Variants in SFMBT1 observed in about 807,000 individuals in gnomAD.
SFMBT1 encodes the protein scm-like with four MBT domains protein 1.
SFMBT1 carries 32 observed loss-of-function variants against 108.7 expected under a neutral mutation model. The observed-to-expected ratio is 0.29, with a 90% CI of 0.22 to 0.40. SFMBT1 has a LOEUF of 0.40. Ranked by LOEUF, SFMBT1 falls within the 10% of genes least tolerant of loss-of-function variation. SFMBT1 has a pLI of 1.00. For missense variants in SFMBT1, 816 were observed against 1,059.6 expected (o/e 0.77, Z 3.19); for synonymous variants, 348 against 369.5 (o/e 0.94, Z 0.67).
chr3:52,949,460 C>A (rs1227559044), intron 3 of SFMBT1, among the ~76,000 whole-genome samples: 1 of 151,924 alleles, frequency 6.6e-6, no homozygotes, highest in Non-Finnish European at 1.5e-5. Flanking sequence ...TGCAGTTCTA[C>A]CAGGTTTTGA....
chr3:52,925,146 G>A (rs1308924648), intron 10 of SFMBT1, among the ~76,000 whole-genome samples: 4 of 152,100 alleles, frequency 2.6e-5, no homozygotes, highest in East Asian at 3.9e-4. Flanking sequence ...TCTTGAACCC[G>A]GGAGGCGGAG....
intron 1 of SFMBT1, among the ~76,000 whole-genome samples, chr3:52,971,615 GAT>G (rs1382424842): frequency 6.6e-6 from 1 of 152,146 alleles, no homozygotes; most frequent in Non-Finnish European, 1.5e-5. Context: ...AATCAAGAGA[GAT>G]ATGGTTCCTG....
chr3:52,983,104 C>CT (rs1019527209), intron 1 of SFMBT1, among the ~76,000 whole-genome samples: 1 of 152,162 alleles, frequency 6.6e-6, no homozygotes, highest in African/African-American at 2.4e-5. Context: ...ACCTGCCCCT[C>CT]TTGCCTTCCT....
intron 1 of SFMBT1, among the ~76,000 whole-genome samples, chr3:52,994,729 A>G (rs1482630925): frequency 6.7e-6 from 1 of 149,970 alleles, no homozygotes; most frequent in Admixed American, 6.7e-5. Context: ...CAAACTCCCG[A>G]CCTCAGGTGA....
intron 1 of SFMBT1, among the ~76,000 whole-genome samples, chr3:53,009,638 C>T (rs1271632260): frequency 1.3e-5 from 2 of 152,084 alleles, no homozygotes; most frequent in Non-Finnish European, 1.5e-5. Flanking sequence ...ACAACACAGG[C>T]GTCAGGATTA....
At chr3:52,970,343 C>T (rs1448721518) in intron 1 of SFMBT1, among the ~76,000 whole-genome samples, 3 of 152,152 alleles carry the variant, frequency 2.0e-5, no homozygotes, top group African/African-American at 7.2e-5. Context: ...TTGCCTTTCC[C>T]AAACATTTCA....
chr3:52,909,354 T>C (rs1416261674), intron 17 of SFMBT1, among the ~76,000 whole-genome samples: 2 of 152,232 alleles, frequency 1.3e-5, no homozygotes, highest in African/African-American at 4.8e-5. Context: ...CTAAACTAAG[T>C]GCTGAGTCTG....
At chr3:53,040,327 T>C (rs1699997386) in intron 1 of SFMBT1, among the ~76,000 whole-genome samples, 1 of 152,208 alleles carries the variant, frequency 6.6e-6, no homozygotes, top group African/African-American at 2.4e-5. Context: ...CACTTTAAAT[T>C]GAATATCAGC....
At chr3:53,001,979 GAA>G (rs921906996) in intron 1 of SFMBT1, among the ~76,000 whole-genome samples, 2 of 128,166 alleles carry the variant, frequency 1.6e-5, no homozygotes, top group African/African-American at 5.8e-5. Context: ...ACACATAAAT[GAA>G]AGATTACTGC....
At chr3:52,988,340 G>C (rs557049166) in intron 1 of SFMBT1, among the ~76,000 whole-genome samples, 20 of 152,214 alleles carry the variant, frequency 1.3e-4, no homozygotes, top group Non-Finnish European at 2.2e-4. Context: ...TAGATTATCA[G>C]TTATAAATAT....
intron 4 of SFMBT1, among the ~76,000 whole-genome samples, chr3:52,936,640 G>A (rs1004385824): frequency 2.6e-5 from 4 of 152,134 alleles, no homozygotes; most frequent in South Asian, 2.1e-4. Context: ...CCTAGTGCAG[G>A]ACTCAGCTAC....
chr3:53,021,436 T>C (rs1362077691), intron 1 of SFMBT1, among the ~76,000 whole-genome samples: 1 of 152,222 alleles, frequency 6.6e-6, no homozygotes, highest in Non-Finnish European at 1.5e-5. Flanking sequence ...ACTTCTGTGT[T>C]ATGTTTAAAT....
intron 1 of SFMBT1, among the ~76,000 whole-genome samples, chr3:52,969,939 C>G (rs1704279418): frequency 6.6e-6 from 1 of 151,890 alleles, no homozygotes; most frequent in Admixed American, 6.6e-5. Context: ...CTCACCTGTA[C>G]TAAAAATACA....
chr3:52,993,906 T>C (rs1243764089), intron 1 of SFMBT1, among the ~76,000 whole-genome samples: 1 of 150,344 alleles, frequency 6.7e-6, no homozygotes, highest in Admixed American at 6.7e-5. Flanking sequence ...CCAATTATTA[T>C]ATACTCATTA....
At chr3:53,019,510 C>G (rs1699233762) in intron 1 of SFMBT1, among the ~76,000 whole-genome samples, 2 of 152,072 alleles carry the variant, frequency 1.3e-5, no homozygotes, top group African/African-American at 4.8e-5. Flanking sequence ...CTTTTTCCTT[C>G]TCAACCCAAC....
At chr3:53,042,206 T>C (rs1362825388) in intron 1 of SFMBT1, among the ~76,000 whole-genome samples, 2 of 152,246 alleles carry the variant, frequency 1.3e-5, no homozygotes, top group African/African-American at 4.8e-5. Flanking sequence ...TAGTTCATCT[T>C]TTCTACAGAC....
rs1698406121 is a variant in SFMBT1, at chr3:52,998,168, C to G, written c.-130-28910G>C. Reference sequence around the variant, plus strand: ...CGGTGGCTCACGCCTGTAATCCCAGCACTTTGGGAGGCCAAGACGGGCAGA... The same window carrying G: ...CGGTGGCTCACGCCTGTAATCCCAGGACTTTGGGAGGCCAAGACGGGCAGA... On this transcript the variant is annotated intron_variant, in intron 1 of 20. Transcript: ENST00000394752. 1.3e-5 allele frequency among the ~76,000 whole-genome samples: 2 copies of G among 150,182 alleles called. 1 individual carries two copies. The highest frequency in any genetic ancestry group is 4.2e-4 in the South Asian group (2 of 4,738).
At chr3:53,002,008 T>C (rs1698574773) in intron 1 of SFMBT1, among the ~76,000 whole-genome samples, 1 of 149,468 alleles carries the variant, frequency 6.7e-6, no homozygotes, top group East Asian at 2.0e-4. Context: ...TGAACTTTGT[T>C]TTCTATGGAG....
chr3:52,995,887 C>T (rs1390415399), intron 1 of SFMBT1, among the ~76,000 whole-genome samples: 1 of 149,248 alleles, frequency 6.7e-6, no homozygotes, highest in Non-Finnish European at 1.5e-5. Flanking sequence ...GCCTGGCCAA[C>T]ATGGTGAAAC....
Sources: allele counts gnomAD v4.1 joint callset (sites outside exome capture counted in the v4.1 genomes callset), GRCh38; gene constraint gnomAD v4.1.1; transcripts MANE v1.5; gene names NCBI Gene and HGNC (gene_info 2026-07-23, HGNC 2026-07-21).